The following GPR107 variants were observed in gnomAD, a reference collection of about 807,000 sequenced individuals.
The protein encoded by GPR107 is G protein-coupled receptor 107.
In GPR107, 31 loss-of-function variants were observed where a neutral mutation model predicts 75.5. The ratio of observed to expected loss-of-function variants is 0.41; its 90% CI spans 0.31 to 0.55. GPR107 has a LOEUF of 0.55. GPR107 is among the 20% of genes least tolerant of loss of function. GPR107 has a pLI of 0.26. For missense variants in GPR107, 572 were observed against 665.7 expected, an observed-to-expected ratio of 0.86 and a Z score of 1.55; for synonymous variants, 267 against 251.3, an observed-to-expected ratio of 1.06 and a Z score of -0.59.
At chr9:130,061,188 C>A (rs1237231056) in intron 1 of GPR107, among the ~76,000 whole-genome samples, 1 of 152,070 alleles carries the variant, frequency 6.6e-6, no homozygotes, top group South Asian at 2.1e-4. Context: ...GACTAAGCCC[C>A]GACCTTTGTG....
chr9:130,100,779 A>G (rs867416292), intron 11 of GPR107, 77 bp downstream of exon 11: 32 of 1,053,734 alleles, frequency 3.0e-5, no homozygotes, highest in Middle Eastern at 2.2e-4. Context: ...ACCTGCCCCA[A>G]GTTAACCAGC....
At chr9:130,085,097 G>A (rs1209652712) in intron 6 of GPR107, among the ~76,000 whole-genome samples, 1 of 152,196 alleles carries the variant, frequency 6.6e-6, no homozygotes, top group Non-Finnish European at 1.5e-5. Context: ...GCTACGGGAA[G>A]TCATCCTGAG....
rs756249895 is a variant in GPR107 at position 130,053,938 on chromosome 9, C to A, written c.6C>A (p.Ala2=). The A allele has an allele frequency of 2.6e-6, 4 of 1,557,442 alleles. No individual in the cohort carries two copies. The highest frequency in any genetic ancestry group is 1.9e-5 in the Admixed American group (1 of 52,168). M[A]ALAPVGSPAS... is the part of the protein sequence containing the mutation. Reference sequence around the variant, plus strand: ...CTGGTGATGCTGGAACAAACATGGCCGCTCTGGCGCCCGTCGGCTCCCCCG... The same window carrying A: ...CTGGTGATGCTGGAACAAACATGGCAGCTCTGGCGCCCGTCGGCTCCCCCG... Residue 2 remains alanine, a synonymous_variant, in exon 1 of 18, where the codon GCC becomes GCA. Coordinates refer to ENST00000347136, the MANE Select transcript of GPR107 (RefSeq NM_020960.5).
chr9:130,076,015 C>T (rs187214175), intron 2 of GPR107, among the ~76,000 whole-genome samples: 31 of 151,716 alleles, frequency 2.0e-4, no homozygotes, highest in African/African-American at 6.8e-4. Context: ...TTCCTGACCT[C>T]GTGATCCACC....
chr9:130,128,266 G>GTAA (rs1831733612), intron 16 of GPR107, among the ~76,000 whole-genome samples: 1 of 152,160 alleles, frequency 6.6e-6, no homozygotes, highest in South Asian at 2.1e-4. Flanking sequence ...TCGATAATAA[G>GTAA]TATCTTTGCG....
chr9:130,081,582 A>G (rs949843120), intron 5 of GPR107, among the ~76,000 whole-genome samples: 5 of 152,002 alleles, frequency 3.3e-5, no homozygotes, highest in African/African-American at 1.2e-4. Context: ...CTGAGGCAGG[A>G]GAATTGCTTG....
chr9:130,057,932 C>T (rs754482824), intron 1 of GPR107, among the ~76,000 whole-genome samples: 22 of 151,796 alleles, frequency 1.4e-4, no homozygotes, highest in Non-Finnish European at 2.5e-4. Flanking sequence ...CCGGTTCAAG[C>T]GATCTCCTGC....
At chr9:130,125,090 CTTT>C (rs11461385) in intron 15 of GPR107, 126 bp downstream of exon 15, 97 of 158,080 alleles carry the variant, frequency 6.1e-4, no homozygotes, top group African/African-American at 1.2e-3. Flanking sequence ...GTGTGGCTTG[CTTT>C]TTTTTTTTTT....
intron 1 of GPR107, among the ~76,000 whole-genome samples, chr9:130,064,358 C>T (rs893971320): frequency 2.0e-5 from 3 of 150,422 alleles, no homozygotes; most frequent in East Asian, 2.0e-4. Flanking sequence ...CCACCGCGCC[C>T]GGCTAATTTT....
chr9:130,089,990 T>C (rs1830697430), intron 7 of GPR107, among the ~76,000 whole-genome samples: 2 of 152,136 alleles, frequency 1.3e-5, no homozygotes, highest in Admixed American at 1.3e-4. Flanking sequence ...GGACAAGAAA[T>C]AGAACAGTTC....
At chr9:130,066,459 G>T (rs921760562) in intron 1 of GPR107, among the ~76,000 whole-genome samples, 10 of 152,178 alleles carry the variant, frequency 6.6e-5, no homozygotes, top group Non-Finnish European at 1.5e-4. Flanking sequence ...ATTATTAGCT[G>T]CTCCATTCTG....
intron 9 of GPR107, among the ~76,000 whole-genome samples, chr9:130,096,335 G>A (rs1830867750): frequency 1.3e-5 from 2 of 152,102 alleles, no homozygotes; most frequent in South Asian, 4.1e-4. Flanking sequence ...ATATCCCTTT[G>A]TGGTACACTC....
chr9:130,085,264 C>T (rs1198363746), intron 6 of GPR107, among the ~76,000 whole-genome samples: 3 of 151,912 alleles, frequency 2.0e-5, no homozygotes, highest in Non-Finnish European at 2.9e-5. Flanking sequence ...TAGAGCAGAG[C>T]CTTGGATGGT....
At chr9:130,092,108 G>A in intron 8 of GPR107, 140 bp from the exon 9 acceptor site, 2 of 665,110 alleles carry the variant, frequency 3.0e-6, no homozygotes, top group South Asian at 3.8e-5. Context: ...CCAAAGTGCT[G>A]AGATTACAGG....
chr9:130,090,624 A>C (rs951998029), intron 7 of GPR107, among the ~76,000 whole-genome samples: 2 of 152,224 alleles, frequency 1.3e-5, no homozygotes, highest in Non-Finnish European at 2.9e-5. Context: ...TGTTGTAACA[A>C]AATATCGGAA....
intron 1 of GPR107, among the ~76,000 whole-genome samples, chr9:130,059,609 C>CA (rs1375804856): frequency 5.9e-5 from 9 of 151,774 alleles, no homozygotes; most frequent in Non-Finnish European, 1.5e-5. Flanking sequence ...GCTATTATAA[C>CA]AAAAAAATCC....
At chr9:130,087,170 T>C (rs907271304) in intron 7 of GPR107, among the ~76,000 whole-genome samples, 1 of 152,032 alleles carries the variant, frequency 6.6e-6, no homozygotes, top group African/African-American at 2.4e-5. Flanking sequence ...CCCAAGTAGT[T>C]GAGACTACAG....
chr9:130,133,109 C>T (rs2132661824), intron 17 of GPR107: 1 of 152,266 alleles, frequency 6.6e-6, no homozygotes, highest in South Asian at 2.1e-4. Context: ...AGTGGCTTTG[C>T]AGGGTTGCTG....
At position 130,104,510 on chromosome 9, in the gene GPR107, G is replaced by A. The variant is rs759501547; in HGVS notation, c.1222G>A (p.Asp408Asn). The A allele has an allele frequency of 5.6e-6, 9 of 1,613,714 alleles. No individual in the cohort carries two copies. The highest frequency in any genetic ancestry group is 3.3e-5 in the Admixed American group (2 of 60,008). Residue 408 changes from aspartate (D) to asparagine (N), a missense_variant, in exon 13 of 18, where the codon GAC (aspartate) becomes AAC (asparagine). Transcript: ENST00000347136. ...GLWKDSLFLVDLLCCGAILFP... is the reference protein window; with the variant it reads ...GLWKDSLFLVNLLCCGAILFP... The stretch of plus-strand genomic sequence containing the variant: ...GTGGAAGGACTCTCTATTTCTGGTC[G>A]ACCTGTTGTGTTGTGGTGCCATCCT...
Sources: allele counts gnomAD v4.1 joint callset (sites outside exome capture counted in the v4.1 genomes callset), GRCh38; gene constraint gnomAD v4.1.1; transcripts MANE v1.5; gene names NCBI Gene and HGNC (gene_info 2026-07-23, HGNC 2026-07-21).